Variants in DPP10 observed in about 807,000 individuals in gnomAD.
DPP10 encodes dipeptidyl peptidase like 10, also known as inactive dipeptidyl peptidase 10.
DPP10 carries 33 observed loss-of-function variants against 120.9 expected under a neutral mutation model. The observed-to-expected ratio is 0.27, with a 90% CI of 0.21 to 0.37. The LOEUF (loss-of-function observed/expected upper bound fraction) is 0.37, where lower values mean the gene tolerates loss of function less well. Ranked by LOEUF, DPP10 falls within the 10% of genes least tolerant of loss-of-function variation. DPP10 has a pLI of 1.00. For synonymous variants in DPP10, 337 were observed against 326.1 expected (o/e 1.03, Z -0.36); for missense variants, 816 against 942.8 (o/e 0.87, Z 1.76).
At chr2:114,581,168 CTTCTCTTTTTT>C (rs1690480872) in intron 1 of DPP10, among the ~76,000 whole-genome samples, 1 of 108,462 alleles carries the variant, frequency 9.2e-6, no homozygotes, top group African/African-American at 3.3e-5. Context: ...TTCTTTTTTT[CTTCTCTTTTTT>C]TTTTTTTTTT....
chr2:115,334,230 G>GTTTTTTTTTTTTTTTTTTTTT lies in DPP10; in HGVS notation c.176-9571_176-9570insTTTTTTTTTTTTTTTTTTTTT. 4.7e-3 allele frequency among the ~76,000 whole-genome samples: 266 copies of GTTTTTTTTTTTTTTTTTTTTT among 56,356 alleles called. 45 individuals carry two copies. Among genetic ancestry groups the GTTTTTTTTTTTTTTTTTTTTT allele is most frequent in the East Asian group, 0.019 (34 of 1,796 alleles). The allele number at this position is 56,356 out of a possible 152,430, so 37.0% of individuals were successfully genotyped here. ...TCAGGAATGGACCAGAGCAGACTCTGTTTTTTTTTTTTTTTTAAGAAACCT... is the reference window on the plus strand; with the variant it reads ...TCAGGAATGGACCAGAGCAGACTCTGTTTTTTTTTTTTTTTTTTTTTTTTTTTTTTTTTTTTTAAGAAACCT... On this transcript the variant is annotated intron_variant, in intron 2 of 25. Coordinates refer to ENST00000410059, the MANE Select transcript of DPP10 (RefSeq NM_020868.6).
intron 1 of DPP10, among the ~76,000 whole-genome samples, chr2:115,100,461 C>A (rs184584157): frequency 0.024 from 3,630 of 150,622 alleles, 127 homozygotes; most frequent in African/African-American, 0.074. Context: ...AATTAAAAAA[C>A]ACACACACAC....
chr2:115,060,737 C>A (rs1243125868), intron 1 of DPP10, among the ~76,000 whole-genome samples: 1 of 152,174 alleles, frequency 6.6e-6, no homozygotes, highest in Non-Finnish European at 1.5e-5. Context: ...CATTGGATCA[C>A]GTTCTCCTGA....
intron 5 of DPP10, among the ~76,000 whole-genome samples, chr2:115,585,420 G>A (rs1213551495): frequency 5.9e-5 from 9 of 152,138 alleles, no homozygotes; most frequent in East Asian, 3.9e-4. Context: ...GTTTTATTTA[G>A]TCAATTTATC....
At chr2:114,842,420 G>A (rs954826955) in intron 1 of DPP10, among the ~76,000 whole-genome samples, 4 of 152,050 alleles carry the variant, frequency 2.6e-5, no homozygotes, top group African/African-American at 9.7e-5. Context: ...TCATGAATTA[G>A]ATGATCAGGA....
chr2:115,096,221 C>T (rs541702363), intron 1 of DPP10, among the ~76,000 whole-genome samples: 4 of 152,034 alleles, frequency 2.6e-5, no homozygotes, highest in South Asian at 2.1e-4. Context: ...CTAAAGCAGA[C>T]GTAAATAATA....
At chr2:115,354,292 C>A (rs2064223409) in intron 3 of DPP10, among the ~76,000 whole-genome samples, 1 of 151,948 alleles carries the variant, frequency 6.6e-6, no homozygotes, top group African/African-American at 2.4e-5. Flanking sequence ...AGCATAGTAC[C>A]CAACAGATAG....
At chr2:114,865,623 C>T (rs1690163113) in intron 1 of DPP10, among the ~76,000 whole-genome samples, 1 of 152,062 alleles carries the variant, frequency 6.6e-6, no homozygotes, top group South Asian at 2.1e-4. Flanking sequence ...CGTTCTATTC[C>T]AAATAGCGAT....
chr2:115,800,329 A>T (rs1261881424), intron 19 of DPP10, among the ~76,000 whole-genome samples: 1 of 151,838 alleles, frequency 6.6e-6, no homozygotes, highest in Non-Finnish European at 1.5e-5. Flanking sequence ...TAGATTCTGG[A>T]TATTAGCCCT....
At chr2:115,575,176 A>G (rs900284047) in intron 5 of DPP10, among the ~76,000 whole-genome samples, 1 of 152,236 alleles carries the variant, frequency 6.6e-6, no homozygotes, top group African/African-American at 2.4e-5. Flanking sequence ...GAGCAGCTGT[A>G]CCGAGTGCAG....
At chr2:114,584,845 G>T (rs1690821192) in intron 1 of DPP10, among the ~76,000 whole-genome samples, 1 of 152,018 alleles carries the variant, frequency 6.6e-6, no homozygotes, top group Non-Finnish European at 1.5e-5. Context: ...AAATAGTCTA[G>T]GCTAGAACCT....
intron 7 of DPP10, among the ~76,000 whole-genome samples, chr2:115,723,205 C>T (rs1300420342): frequency 4.6e-5 from 7 of 152,196 alleles, no homozygotes; most frequent in Admixed American, 2.0e-4. Flanking sequence ...GCGGGACTGA[C>T]GACCAACAGA....
intron 5 of DPP10, among the ~76,000 whole-genome samples, chr2:115,534,380 G>A (rs1334002362): frequency 6.6e-6 from 1 of 151,076 alleles, no homozygotes; most frequent in Non-Finnish European, 1.5e-5. Flanking sequence ...TTGTTCTTGC[G>A]ATAGTTTACT....
At chr2:115,607,877 A>T (rs1430946853) in intron 5 of DPP10, among the ~76,000 whole-genome samples, 1 of 152,232 alleles carries the variant, frequency 6.6e-6, no homozygotes, top group Non-Finnish European at 1.5e-5. Context: ...TGTAGAAACC[A>T]GAGAATGATT....
intron 1 of DPP10, among the ~76,000 whole-genome samples, chr2:115,013,434 C>G (rs1002307196): frequency 1.3e-5 from 2 of 152,116 alleles, no homozygotes; most frequent in South Asian, 4.2e-4. Context: ...ACATTTTTTC[C>G]TTCATTTCAA....
At chr2:114,814,015 G>A (rs1685413894) in intron 1 of DPP10, among the ~76,000 whole-genome samples, 1 of 149,784 alleles carries the variant, frequency 6.7e-6, no homozygotes, top group African/African-American at 2.5e-5. Flanking sequence ...CTCAATAACT[G>A]TTTTAAAACT....
At chr2:114,975,182 G>T (rs1699670633) in intron 1 of DPP10, among the ~76,000 whole-genome samples, 1 of 151,584 alleles carries the variant, frequency 6.6e-6, no homozygotes, top group South Asian at 2.1e-4. Flanking sequence ...AGTAGCTGGG[G>T]CGACAGGCGC....
chr2:115,812,315 AT>A (rs1351599876), intron 19 of DPP10, among the ~76,000 whole-genome samples: 4 of 152,184 alleles, frequency 2.6e-5, no homozygotes, highest in Non-Finnish European at 5.9e-5. Flanking sequence ...AGGCCTTTCC[AT>A]TTTAAACTTC....
chr2:115,289,912 G>T (rs1400790183), intron 1 of DPP10, among the ~76,000 whole-genome samples: 1 of 152,038 alleles, frequency 6.6e-6, no homozygotes, highest in East Asian at 1.9e-4. Context: ...AAACCTAGGA[G>T]AAACTTTTCT....
Sources: allele counts gnomAD v4.1 joint callset (sites outside exome capture counted in the v4.1 genomes callset), GRCh38; gene constraint gnomAD v4.1.1; transcripts MANE v1.5; gene names NCBI Gene and HGNC (gene_info 2026-07-23, HGNC 2026-07-21).